The following DHX57 variants were observed in gnomAD, a reference collection of about 807,000 sequenced individuals.
The protein encoded by DHX57 is putative ATP-dependent RNA helicase DHX57.
A neutral mutation model predicts 156.2 loss-of-function variants in DHX57; 105 were observed. The observed-to-expected ratio is 0.67, with a 90% CI of 0.57 to 0.79. The LOEUF is 0.79. Among genes scored for constraint, DHX57 ranks in the 30% least tolerant of loss-of-function variants. DHX57 has a pLI of 0.00. For missense variants in DHX57, 1,847 were observed against 1,661.9 expected, an observed-to-expected ratio of 1.11 and a Z score of -1.94; for synonymous variants, 704 against 595.6, an observed-to-expected ratio of 1.18 and a Z score of -2.65.
intron 12 of DHX57, among the ~76,000 whole-genome samples, chr2:38,839,061 A>C (rs954764987): frequency 1.3e-5 from 2 of 151,858 alleles, no homozygotes; most frequent in Non-Finnish European, 2.9e-5. Context: ...CCTCCTGAGT[A>C]GCTGGGATTA....
In DHX57 at chr2:38,802,798, G is replaced by C; in HGVS notation, c.3934C>G (p.Gln1312Glu). 6.2e-7 allele frequency: 1 copy of C among 1,614,116 alleles called. No homozygotes were observed. Among genetic ancestry groups the C allele is most frequent in the Non-Finnish European group, 8.5e-7 (1 of 1,180,020 alleles). ...CCTCTTTGAAGCTGCACATTCACTT[G>C]GCCTCCTCCAAACAAGACCAGCGGG... ...VYPLVLFGGG[Q>E]VNVQLQRGEF... is the part of the protein sequence containing the mutation. Residue 1312 changes from glutamine (Q) to glutamate (E), a missense_variant, in exon 23 of 24, where the codon CAA (glutamine) becomes GAA (glutamate). Coordinates refer to ENST00000457308, the MANE Select transcript of DHX57 (RefSeq NM_198963.3).
intron 12 of DHX57, chr2:38,838,738 G>T (rs1290526181): frequency 2.2e-6 from 1 of 453,858 alleles, no homozygotes; most frequent in Admixed American, 2.4e-5. Flanking sequence ...TGAACCTTTA[G>T]GTTCCTTTGA....
chr2:38,835,663 T>A (rs1439005794), intron 13 of DHX57, among the ~76,000 whole-genome samples: 4 of 152,186 alleles, frequency 2.6e-5, no homozygotes, highest in Non-Finnish European at 4.4e-5. Context: ...GGACTGTCAA[T>A]GCTACGAAAG....
At position 38,862,174 on chromosome 2, in the gene DHX57, G is replaced by C. The variant is rs1673263589; in HGVS notation, c.543C>G (p.Val181=). The change falls in exon 4 of 24, where the codon GTC becomes GTG. Residue 181 remains valine (V), a synonymous_variant. Transcript: ENST00000457308. ...AAAGTTTTTGCACTGCAAATGGGGA[G>C]ACTGTAAATTCTGGAACATAAGGCT... ...SVEPYVPEFT[V]SPFAVQKLSR... 6.2e-7 allele frequency: 1 copy of C among 1,608,214 alleles called. No individual in the cohort carries two copies. Among genetic ancestry groups the C allele is most frequent in the Non-Finnish European group, 8.5e-7 (1 of 1,176,792 alleles).
At chr2:38,838,868 T>C (rs1382127204) in intron 12 of DHX57, 2 of 434,548 alleles carry the variant, frequency 4.6e-6, no homozygotes, top group Non-Finnish European at 9.2e-6. Flanking sequence ...TCCTAATCTA[T>C]CTGCGATCTG....
chr2:38,835,690 G>C (rs1478203853), intron 13 of DHX57, among the ~76,000 whole-genome samples: 2 of 152,174 alleles, frequency 1.3e-5, no homozygotes, highest in African/African-American at 4.8e-5. Flanking sequence ...CTGATAGAGA[G>C]AACATCATGA....
chr2:38,836,571 C>G (rs1671668541), intron 13 of DHX57, among the ~76,000 whole-genome samples: 1 of 151,976 alleles, frequency 6.6e-6, no homozygotes. Context: ...GTCAGGAGTT[C>G]AAGACCAGAC....
At chr2:38,836,303 C>T (rs186554350) in intron 13 of DHX57, among the ~76,000 whole-genome samples, 132 of 152,238 alleles carry the variant, frequency 8.7e-4, no homozygotes, top group Non-Finnish European at 1.5e-3. Flanking sequence ...CTCTGCCACC[C>T]GAGACAGCAA....
intron 21 of DHX57, among the ~76,000 whole-genome samples, chr2:38,813,456 C>T (rs530649733): frequency 4.6e-5 from 7 of 151,506 alleles, no homozygotes; most frequent in African/African-American, 9.7e-5. Flanking sequence ...TTGCAAGCTC[C>T]GACTCCCGGG....
intron 23 of DHX57, 66 bp from the exon 24 acceptor site, chr2:38,798,508 A>T: frequency 6.7e-7 from 1 of 1,496,714 alleles, no homozygotes. Flanking sequence ...TTGGAGGGAA[A>T]TACCCAAGTT....
In DHX57 at chr2:38,873,350, T is replaced by C. The variant is rs188443402; in HGVS notation, c.-7+2437A>G. On this transcript the variant is annotated intron_variant, in intron 1 of 23. Coordinates refer to ENST00000457308, the MANE Select transcript of DHX57 (RefSeq NM_198963.3). ...TATGAACTATGTTCTCCAACCAAAA[T>C]GGAATTAGAAATCAAAAGCTAGAAA... Among the ~76,000 whole-genome samples, 4 of 152,260 alleles carry C rather than the reference T, an allele frequency of 2.6e-5. No individual in the cohort carries two copies. The East Asian group carries it at 7.7e-4, about 29-fold the overall frequency.
intron 17 of DHX57, among the ~76,000 whole-genome samples, chr2:38,820,667 T>C (rs1670764144): frequency 6.6e-6 from 1 of 152,156 alleles, no homozygotes; most frequent in African/African-American, 2.4e-5. Flanking sequence ...CTGGACCAGC[T>C]GGTTTATAAT....
At chr2:38,851,306 T>C (rs1016769353) in intron 9 of DHX57, among the ~76,000 whole-genome samples, 2 of 152,212 alleles carry the variant, frequency 1.3e-5, no homozygotes, top group Admixed American at 1.3e-4. Flanking sequence ...GTATTTACTG[T>C]ATGCCTTAGA....
chr2:38,838,008 T>C (rs1385348055), intron 12 of DHX57, 61 bp from the exon 13 acceptor site: 1 of 1,086,144 alleles, frequency 9.2e-7, no homozygotes, highest in Non-Finnish European at 1.4e-6. Context: ...TATTTTATTG[T>C]ATATTTATAC....
intron 12 of DHX57, among the ~76,000 whole-genome samples, chr2:38,839,052 C>G (rs1281185618): frequency 6.6e-6 from 1 of 152,000 alleles, no homozygotes; most frequent in Non-Finnish European, 1.5e-5. Context: ...CTGCCTCAGC[C>G]TCCTGAGTAG....
intron 13 of DHX57, among the ~76,000 whole-genome samples, chr2:38,833,037 G>A (rs3099991): frequency 0.35 from 50,778 of 145,040 alleles, 8,963 homozygotes; most frequent in Admixed American, 0.38. Flanking sequence ...GCTTGGTGGT[G>A]AGCCACTGTG....
At chr2:38,841,085 A>T (rs1351522214) in intron 12 of DHX57, among the ~76,000 whole-genome samples, 1 of 152,202 alleles carries the variant, frequency 6.6e-6, no homozygotes, top group African/African-American at 2.4e-5. Context: ...AGCCTCCCAA[A>T]GTGTTGGGAT....
Position 38,823,239 on chromosome 2 carries a change from A to G in DHX57, c.3045T>C (p.His1015=). ...RIKILEMFSA[H]NLQSVFSRLI... ...GCCGAGAGAACACAGACTGGAGATT[A>G]TGAGCACTAAACATCTCTAAAATTT... Residue 1015 remains histidine (H), a synonymous_variant, in exon 17 of 24, where the codon CAT becomes CAC. Transcript: ENST00000457308. 6.2e-7 allele frequency: 1 copy of G among 1,614,196 alleles called. No individual in the cohort carries two copies. The highest frequency in any genetic ancestry group is 8.5e-7 in the Non-Finnish European group (1 of 1,180,026).
chr2:38,869,789 A>G (rs1665269611), intron 1 of DHX57, among the ~76,000 whole-genome samples: 1 of 152,232 alleles, frequency 6.6e-6, no homozygotes, highest in Admixed American at 6.5e-5. Flanking sequence ...AAAAAGTCAC[A>G]AGGCATGCAA....
Sources: allele counts gnomAD v4.1 joint callset (sites outside exome capture counted in the v4.1 genomes callset), GRCh38; gene constraint gnomAD v4.1.1; transcripts MANE v1.5; gene names NCBI Gene and HGNC (gene_info 2026-07-23, HGNC 2026-07-21).